Variants in SACS observed in about 807,000 individuals in gnomAD.
SACS encodes the protein sacsin.
Under a neutral mutation model 348.0 loss-of-function variants are expected in SACS, and 197 were observed. That is an observed-to-expected ratio of 0.57 (90% CI 0.50 to 0.64). The LOEUF is 0.64. SACS is among the 30% of genes least tolerant of loss of function. SACS has a pLI of 0.00. For missense variants in SACS, 4,999 were observed against 5,360.8 expected, an observed-to-expected ratio of 0.93 and a Z score of 2.11; for synonymous variants, 1,985 against 1,910.6, an observed-to-expected ratio of 1.04 and a Z score of -1.02.
chr13:23,351,358 G>A (rs571199595), intron 9 of SACS, among the ~76,000 whole-genome samples: 1 of 152,166 alleles, frequency 6.6e-6, no homozygotes, highest in African/African-American at 2.4e-5. Flanking sequence ...ATCTTGACTT[G>A]TAACTCCCAT....
chr13:23,374,386 C>G (rs1052718084), intron 3 of SACS, among the ~76,000 whole-genome samples: 4 of 152,180 alleles, frequency 2.6e-5, no homozygotes, highest in Admixed American at 6.5e-5. Context: ...CCTATACGCT[C>G]AAGTATTCCT....
chr13:23,331,121 G>A lies in SACS; in HGVS notation c.12755C>T (p.Ser4252Phe), dbSNP rs751807102. The A allele has an allele frequency of 6.2e-7, 1 of 1,614,118 alleles. No individual in the cohort carries two copies. Among genetic ancestry groups the A allele is most frequent in the Non-Finnish European group, 8.5e-7 (1 of 1,179,992 alleles). Residue 4252 changes from serine to phenylalanine, a missense_variant, in exon 10 of 10, where the codon TCT becomes TTT. Ser to Phe is a radical substitution (Grantham distance 155). This residue lies in a region of SACS where 831 missense variants were observed against 941.8 expected (regional missense o/e 0.88). Transcript: ENST00000382292. Reference protein sequence around the residue: ...LYKFSRPEESSQSRDSAPSTP... With the variant: ...LYKFSRPEESFQSRDSAPSTP... ...AGAAGGAGCACTGTCCCTGCTTTGA[G>A]AGCTTTCCTCAGGTCTTGAAAACTT...
intron 1 of SACS, among the ~76,000 whole-genome samples, chr13:23,421,662 C>T (rs894502778): frequency 3.9e-5 from 6 of 152,098 alleles, no homozygotes; most frequent in Non-Finnish European, 7.4e-5. Flanking sequence ...CCAGTGTCCA[C>T]CTGGGGCCTG....
chr13:23,372,195 G>T (rs1871434706), intron 3 of SACS, among the ~76,000 whole-genome samples: 1 of 152,156 alleles, frequency 6.6e-6, no homozygotes, highest in Non-Finnish European at 1.5e-5. Flanking sequence ...ATACGTGCAT[G>T]AAAGTATTTA....
chr13:23,428,425 C>T (rs375550255), intron 1 of SACS: 6 of 152,246 alleles, frequency 3.9e-5, no homozygotes, highest in South Asian at 4.1e-4. Flanking sequence ...GATGAATTCA[C>T]GCTATAAATC....
chr13:23,377,805 G>A (rs1345741004), intron 2 of SACS, among the ~76,000 whole-genome samples: 4 of 152,138 alleles, frequency 2.6e-5, no homozygotes, highest in African/African-American at 9.7e-5. Flanking sequence ...GTCTCCTTCT[G>A]AGCCAGGAGT....
chr13:23,416,534 G>T (rs952964603), intron 1 of SACS, among the ~76,000 whole-genome samples: 2 of 152,154 alleles, frequency 1.3e-5, no homozygotes, highest in African/African-American at 4.8e-5. Flanking sequence ...ACAGAGGCCA[G>T]ATCACTTAGG....
Position 23,337,177 on chromosome 13 carries a change from A to G in SACS, c.6699T>C (p.Ser2233=). 1 of 1,613,956 alleles carries G rather than the reference A, an allele frequency of 6.2e-7. No individual in the cohort carries two copies. Among genetic ancestry groups the G allele is most frequent in the Non-Finnish European group, 8.5e-7 (1 of 1,179,908 alleles). ...AGFSLDWKGN[S]FKPETMFAAT... ...CTGCAAACATGGTTTCAGGCTTAAA[A>G]CTGTTGCCTTTCCAGTCCAAAGAAA... The change falls in exon 10 of 10, where the codon AGT becomes AGC. Residue 2233 remains serine, a synonymous_variant. Transcript: ENST00000382292.
chr13:23,394,746 T>G (rs1872647641), intron 2 of SACS, among the ~76,000 whole-genome samples: 1 of 152,096 alleles, frequency 6.6e-6, no homozygotes, highest in Non-Finnish European at 1.5e-5. Flanking sequence ...TCCCAGCTAC[T>G]CGGGAGGCTG....
At chr13:23,427,925 T>TC (rs1253281010) in intron 1 of SACS, 1 of 152,248 alleles carries the variant, frequency 6.6e-6, no homozygotes, top group Non-Finnish European at 1.5e-5. Context: ...TGATATGCTG[T>TC]CTTGTCTGTT....
intron 2 of SACS, among the ~76,000 whole-genome samples, chr13:23,380,902 C>T (rs1269054161): frequency 6.6e-6 from 1 of 152,128 alleles, no homozygotes; most frequent in African/African-American, 2.4e-5. Flanking sequence ...GTTTCTGTGG[C>T]GCCAGAGATG....
intron 2 of SACS, among the ~76,000 whole-genome samples, chr13:23,409,287 C>T (rs938938678): frequency 6.8e-6 from 1 of 147,976 alleles, no homozygotes; most frequent in African/African-American, 2.5e-5. Context: ...GATCTCCTGA[C>T]CTCATGATCC....
At chr13:23,426,843 G>A (rs1874204602) in intron 1 of SACS, 1 of 152,136 alleles carries the variant, frequency 6.6e-6, no homozygotes, top group South Asian at 2.1e-4. Context: ...GAATAGAATG[G>A]GAGGCAGGTT....
intron 1 of SACS, among the ~76,000 whole-genome samples, chr13:23,423,685 C>T (rs1484604321): frequency 6.6e-6 from 1 of 152,042 alleles, no homozygotes; most frequent in Non-Finnish European, 1.5e-5. Context: ...TAAACAAGTT[C>T]CAAACACACA....
chr13:23,331,643 C>T lies in SACS; in HGVS notation c.12233G>A (p.Arg4078Gln), dbSNP rs757768668. The T allele has an allele frequency of 2.5e-6, 4 of 1,613,788 alleles. No individual in the cohort carries two copies. The highest frequency in any genetic ancestry group is 2.2e-5 in the East Asian group (1 of 44,884). The part of the protein sequence containing the change: ...SRSETFAFLK[R>Q]FGNAVILLYI... The stretch of plus-strand genomic sequence containing the variant: ...GAGCAAGATGACTGCATTACCAAAT[C>T]GCTTCAAAAAAGCAAAAGTTTCACT... Residue 4078 changes from arginine to glutamine, a missense_variant, in exon 10 of 10, where the codon CGA becomes CAA. Arg to Gln is a conservative substitution (Grantham distance 43). This residue lies in a region of SACS where 831 missense variants were observed against 941.8 expected (regional missense o/e 0.88). Coordinates refer to ENST00000382292, the MANE Select transcript of SACS (RefSeq NM_014363.6).
At chr13:23,399,944 A>G (rs1872888305) in intron 2 of SACS, among the ~76,000 whole-genome samples, 1 of 152,070 alleles carries the variant, frequency 6.6e-6, no homozygotes. Context: ...CCTAAAACCA[A>G]TATATACTCT....
In SACS at chr13:23,341,155, C is replaced by T. The variant is rs140118958; in HGVS notation, c.2721G>A (p.Leu907=). ...PTHKDALRKF[L]ASLTDSSEKE... ...TCTCACTGCTATCGGTTAAACTAGC[C>T]AAGAACTTCCTCAGGGCATCTTTGT... The change falls in exon 10 of 10, where the codon TTG becomes TTA. Residue 907 remains leucine, a synonymous_variant. Coordinates refer to ENST00000382292, the MANE Select transcript of SACS (RefSeq NM_014363.6). 3.9e-4 allele frequency: 634 copies of T among 1,613,278 alleles called. 3 individuals carry two copies. The African/African-American group carries it at 7.7e-3, about 20-fold the overall frequency.
Position 23,355,085 on chromosome 13 carries a change from G to A in SACS, c.1527C>T (p.Ile509=). 6.2e-7 allele frequency: 1 copy of A among 1,614,174 alleles called. No individual in the cohort carries two copies. The highest frequency in any genetic ancestry group is 8.5e-7 in the Non-Finnish European group (1 of 1,180,032). Residue 509 remains isoleucine (I), a synonymous_variant, in exon 8 of 10, where the codon ATC becomes ATT. Coordinates refer to ENST00000382292, the MANE Select transcript of SACS (RefSeq NM_014363.6). ...NVVPKAYATL[I]LDSIKRLEME... ...TCTCCAGACGTTTTATTGAATCTAA[G>A]ATCAGAGTAGCATAAGCTTTGGGGA...
In SACS at chr13:23,336,616, ATTCTC is replaced by A. The variant is rs769706074; in HGVS notation, c.7255_7259del (p.Glu2419PhefsTer10). Reference sequence around the variant, plus strand: ...TGATTATTCGTCGGCAAAGCTGAAAATTCTCTTCTGTTATTTGCTTTGTTCCTCTT... The same window carrying A: ...TGATTATTCGTCGGCAAAGCTGAAAATTCTGTTATTTGCTTTGTTCCTCTT... On this transcript the variant is annotated frameshift_variant, in exon 10 of 10. Coordinates refer to ENST00000382292, the MANE Select transcript of SACS (RefSeq NM_014363.6). LOFTEE classifies it high-confidence loss of function. 2 of 1,613,750 alleles carry A rather than the reference ATTCTC, an allele frequency of 1.2e-6. No individual in the cohort carries two copies. The highest frequency in any genetic ancestry group is 8.5e-7 in the Non-Finnish European group (1 of 1,179,824).
Sources: gnomAD v4.1 joint callset for allele counts (sites outside exome capture counted in the v4.1 genomes callset) on GRCh38, gnomAD v4.1.1 for gene constraint, gnomAD v4.1.1 regional missense constraint, MANE v1.5 for transcripts, NCBI Gene and HGNC (gene_info 2026-07-23, HGNC 2026-07-21) for gene names.